The following SGK1 variants were observed in gnomAD, a reference collection of about 807,000 sequenced individuals.
SGK1 encodes serine/threonine-protein kinase Sgk1.
Under a neutral mutation model 64.2 loss-of-function variants are expected in SGK1, and 26 were observed. That is an observed-to-expected ratio of 0.40 (90% confidence interval 0.30 to 0.56). SGK1 has a LOEUF of 0.56. Ranked by LOEUF, SGK1 falls within the 20% of genes least tolerant of loss-of-function variation. SGK1 has a pLI of 0.38. For synonymous variants in SGK1, 265 were observed against 239.7 expected (o/e 1.11, Z -0.98); for missense variants, 519 against 645.6 (o/e 0.80, Z 2.12).
At chr6:134,277,073 C>G (rs540650584) in intron 1 of SGK1, among the ~76,000 whole-genome samples, 80 of 151,860 alleles carry the variant, frequency 5.3e-4, no homozygotes, top group African/African-American at 1.7e-3. Flanking sequence ...AAAACAAAAA[C>G]CAGAACCAAA....
In SGK1 at chr6:134,183,738, A is replaced by G. The variant is rs184004845; in HGVS notation, c.362-9152T>C. 1.9e-3 allele frequency among the ~76,000 whole-genome samples: 282 copies of G among 151,834 alleles called. 1 individual carries two copies. Among genetic ancestry groups the G allele is most frequent in the African/African-American group, 6.5e-3 (270 of 41,388 alleles). ...TTTGTACAGTTCTATGATGTCTGGG[A>G]AAAAAAATAAACCCAGAAGGAACTT... On this transcript the variant is annotated intron_variant, in intron 3 of 13. Coordinates refer to ENST00000367858, the MANE Select transcript of SGK1 (RefSeq NM_001143676.3).
chr6:134,175,766 G>A, intron 3 of SGK1: 2 of 1,337,088 alleles, frequency 1.5e-6, no homozygotes, highest in Non-Finnish European at 1.9e-6. Context: ...TTCCTGCCCC[G>A]AGTCCCAAAA....
chr6:134,176,000 T>G, intron 3 of SGK1: 1 of 1,050,400 alleles, frequency 9.5e-7, no homozygotes, highest in Non-Finnish European at 1.1e-6. Flanking sequence ...GCATTTCACT[T>G]TTTTTTTTCT....
intron 3 of SGK1, among the ~76,000 whole-genome samples, chr6:134,178,319 C>A (rs1479852016): frequency 6.6e-6 from 1 of 152,072 alleles, no homozygotes; most frequent in African/African-American, 2.4e-5. Flanking sequence ...TTTCTTCCAA[C>A]CGGATACGTG....
At chr6:134,197,480 T>G (rs1348900577) in intron 3 of SGK1, among the ~76,000 whole-genome samples, 1 of 152,092 alleles carries the variant, frequency 6.6e-6, no homozygotes, top group Non-Finnish European at 1.5e-5. Flanking sequence ...GTCAAGAATA[T>G]CAGCAGCTAT....
At chr6:134,271,795 G>A (rs958512646) in intron 1 of SGK1, among the ~76,000 whole-genome samples, 4 of 147,632 alleles carry the variant, frequency 2.7e-5, no homozygotes, top group Non-Finnish European at 6.0e-5. Flanking sequence ...CCCAGTATCT[G>A]TTGTTTCCTT....
At chr6:134,287,745 T>G (rs1582765301) in intron 1 of SGK1, among the ~76,000 whole-genome samples, 1 of 152,118 alleles carries the variant, frequency 6.6e-6, no homozygotes, top group African/African-American at 2.4e-5. Context: ...TAAGATGAAT[T>G]GTGTGTTTTT....
intron 3 of SGK1, among the ~76,000 whole-genome samples, chr6:134,190,236 A>G (rs1775488232): frequency 6.6e-6 from 1 of 151,504 alleles, no homozygotes; most frequent in African/African-American, 2.4e-5. Context: ...GGAAAACAAC[A>G]ATCAAAGAGC....
chr6:134,183,177 TTGATA>T (rs1775357752), intron 3 of SGK1, among the ~76,000 whole-genome samples: 1 of 152,240 alleles, frequency 6.6e-6, no homozygotes. Flanking sequence ...ATTTATTGTA[TTGATA>T]TAAGTTGATG....
intron 1 of SGK1, among the ~76,000 whole-genome samples, chr6:134,265,501 T>C (rs141511389): frequency 0.03 from 4,408 of 147,424 alleles, 192 homozygotes; most frequent in African/African-American, 0.1. Context: ...AATATATATA[T>C]ACACATATAT....
At chr6:134,179,624 T>G (rs1775301742) in intron 3 of SGK1, among the ~76,000 whole-genome samples, 1 of 151,974 alleles carries the variant, frequency 6.6e-6, no homozygotes, top group African/African-American at 2.4e-5. Flanking sequence ...GTATAGTAAT[T>G]ATTACCTTCC....
chr6:134,278,609 AT>A (rs889474600), intron 1 of SGK1, among the ~76,000 whole-genome samples: 14 of 151,178 alleles, frequency 9.3e-5, no homozygotes, highest in South Asian at 6.3e-4. Context: ...TCTGTATTCT[AT>A]TTTTTTTTCT....
At position 134,172,196 on chromosome 6, in the gene SGK1, C is replaced by T. The variant is rs139370799; in HGVS notation, c.1068G>A (p.Pro356=). 94 of 1,613,852 alleles carry T rather than the reference C, an allele frequency of 5.8e-5. No individual in the cohort carries two copies. The highest frequency in any genetic ancestry group is 8.9e-5 in the East Asian group (4 of 44,882). The change falls in exon 10 of 14, where the codon CCG becomes CCA. Residue 356 remains proline, a synonymous_variant. Transcript: ENST00000367858. ...ACCAAACCAAGACAGCGCCTACCTC[C>T]GGCGTGCCACAGAAGGTGGATGTTG... The part of the protein sequence containing the change: ...NSTTSTFCGT[P]EYLAPEVLHK...
Position 134,258,728 on chromosome 6 carries a change from A to G in SGK1, c.285+3205T>C, listed in dbSNP as rs149436916. Among the ~76,000 whole-genome samples, 931 of 152,248 alleles carry G rather than the reference A, an allele frequency of 6.1e-3. 23 individuals carry two copies. The highest frequency in any genetic ancestry group is 0.035 in the East Asian group (183 of 5,182). ...TCTCAAAAATAAAATAAAATAAATA[A>G]AAAGGCTTAGGCCTGTAATCCGAAC... is the stretch of plus-strand genomic sequence containing the variant. On this transcript the variant is annotated intron_variant, in intron 2 of 13. Coordinates refer to ENST00000367858, the MANE Select transcript of SGK1 (RefSeq NM_001143676.3).
chr6:134,201,227 AT>A (rs559649226), intron 3 of SGK1, among the ~76,000 whole-genome samples: 2 of 149,408 alleles, frequency 1.3e-5, no homozygotes, highest in African/African-American at 4.9e-5. Context: ...TGCCCAGCTA[AT>A]TTTTTGTATT....
intron 2 of SGK1, among the ~76,000 whole-genome samples, chr6:134,259,471 C>G (rs1391754795): frequency 2.1e-5 from 3 of 144,378 alleles, no homozygotes; most frequent in Non-Finnish European, 4.6e-5. Context: ...GAAACCCCAT[C>G]TCTACTAAAA....
intron 3 of SGK1, among the ~76,000 whole-genome samples, chr6:134,206,383 A>T (rs1391315364): frequency 0.13 from 1,933 of 14,384 alleles, 67 homozygotes; most frequent in Middle Eastern, 0.17. Flanking sequence ...ATATATATAT[A>T]TTTTTTTTTT....
intron 1 of SGK1, among the ~76,000 whole-genome samples, chr6:134,283,697 T>A (rs1279518563): frequency 6.6e-6 from 1 of 150,490 alleles, no homozygotes. Context: ...AAAATAAAAA[T>A]TAGCCAGGCA....
chr6:134,194,573 C>T lies in SGK1; in HGVS notation c.361+12783G>A, dbSNP rs9493852. Among the ~76,000 whole-genome samples the T allele has an allele frequency of 2.6e-3, 379 of 148,512 alleles. 2 individuals are homozygous for T. The highest frequency in any genetic ancestry group is 9.1e-3 in the African/African-American group (364 of 39,978). The stretch of plus-strand genomic sequence containing the variant: ...TCGCTCCGTTACCCAGGCTGGAGTG[C>T]AGTGGCACGATCTCGGCTCGCTGCA... On this transcript the variant is annotated intron_variant, in intron 3 of 13. Coordinates refer to ENST00000367858, the MANE Select transcript of SGK1 (RefSeq NM_001143676.3).
Sources: allele counts gnomAD v4.1 joint callset (sites outside exome capture counted in the v4.1 genomes callset), GRCh38; gene constraint gnomAD v4.1.1; transcripts MANE v1.5; gene names NCBI Gene and HGNC (gene_info 2026-07-23, HGNC 2026-07-21).